The following SNTG2 variants were observed in gnomAD, a reference collection of about 807,000 sequenced individuals.
The protein encoded by SNTG2 is gamma-2-syntrophin.
A neutral mutation model predicts 70.9 loss-of-function variants in SNTG2; 74 were observed. The ratio of observed to expected loss-of-function variants is 1.04; its 90% CI spans 0.86 to 1.27. SNTG2 has a LOEUF of 1.27. Ranked by LOEUF, SNTG2 falls within the 50% of genes most tolerant of loss-of-function variation. SNTG2 has a pLI of 0.00. For missense variants in SNTG2, 717 were observed against 690.7 expected, an observed-to-expected ratio of 1.04 and a Z score of -0.43; for synonymous variants, 278 against 273.8, an observed-to-expected ratio of 1.02 and a Z score of -0.15.
intron 12 of SNTG2, among the ~76,000 whole-genome samples, chr2:1,248,627 G>A (rs186124879): frequency 8.8e-4 from 134 of 152,328 alleles, no homozygotes; most frequent in Admixed American, 2.3e-3. Context: ...AAGTCCCAGA[G>A]GTGAACGTCT....
Position 1,078,981 on chromosome 2 carries a change from T to C in SNTG2, c.73-4537T>C, listed in dbSNP as rs191940751. Among the ~76,000 whole-genome samples the C allele has an allele frequency of 1.5e-3, 231 of 152,362 alleles. 3 individuals carry two copies. In the South Asian group the frequency reaches 0.016, roughly 11 times the overall value. ...TTGCTTTTGTTTTTAAATATTTTTA[T>C]TTGTTTTGAATGGGAAAGACTCAAA... On this transcript the variant is annotated intron_variant, in intron 1 of 16. Coordinates refer to ENST00000308624, the MANE Select transcript of SNTG2 (RefSeq NM_018968.4).
intron 2 of SNTG2, among the ~76,000 whole-genome samples, chr2:1,085,159 T>G (rs1306432456): frequency 1.3e-5 from 2 of 152,218 alleles, no homozygotes; most frequent in Non-Finnish European, 2.9e-5. Flanking sequence ...CCTCCACTTG[T>G]TCTAAATACC....
rs113770585 is a variant in SNTG2, at chr2:1,097,403, G to A, written c.211-793G>A. ...TCCTCTTAGAACTCAAAGAATGTCTGTCACTTCTGTTTTTCCTGTAGTGTA... is the reference window on the plus strand; with the variant it reads ...TCCTCTTAGAACTCAAAGAATGTCTATCACTTCTGTTTTTCCTGTAGTGTA... On this transcript the variant is annotated intron_variant, in intron 2 of 16. Transcript: ENST00000308624. This position sits in a 1 kb window ranked among gnomAD's most constrained non-coding sequence, Gnocchi z 4.1. Among the ~76,000 whole-genome samples, 358 of 152,298 alleles carry A rather than the reference G, an allele frequency of 2.4e-3. No homozygotes were observed. Among genetic ancestry groups the A allele is most frequent in the African/African-American group, 8.3e-3 (344 of 41,564 alleles).
chr2:1,159,926 A>G (rs1670160786), intron 6 of SNTG2, among the ~76,000 whole-genome samples: 1 of 152,242 alleles, frequency 6.6e-6, no homozygotes, highest in African/African-American at 2.4e-5. Context: ...CAGGAATTTG[A>G]GGATTGAGGA....
intron 1 of SNTG2, among the ~76,000 whole-genome samples, chr2:958,786 G>A (rs923689911): frequency 1.3e-5 from 2 of 152,058 alleles, no homozygotes; most frequent in Admixed American, 1.3e-4. Flanking sequence ...TCTAGATGTA[G>A]TACAGTAAAA....
In SNTG2 at chr2:1,213,780, T is replaced by C. The variant is rs139137975; in HGVS notation, c.719+4550T>C. Among the ~76,000 whole-genome samples, 312 of 152,358 alleles carry C rather than the reference T, an allele frequency of 2.0e-3. 4 individuals are homozygous for C. Among genetic ancestry groups the C allele is most frequent in the East Asian group, 0.017 (87 of 5,184 alleles). On this transcript the variant is annotated intron_variant, in intron 9 of 16. Transcript: ENST00000308624. ...CAAACATGCAAACCTCACAAAGATA[T>C]TGTTTCTTCTGTCACCTGTGCTTTT...
At chr2:1,216,105 T>A (rs957729638) in intron 9 of SNTG2, among the ~76,000 whole-genome samples, 1 of 152,204 alleles carries the variant, frequency 6.6e-6, no homozygotes, top group African/African-American at 2.4e-5. Flanking sequence ...CTATTTCTAG[T>A]TCTAGATCCT....
chr2:1,099,051 C>T (rs1439570346), intron 4 of SNTG2, among the ~76,000 whole-genome samples: 3 of 152,160 alleles, frequency 2.0e-5, no homozygotes, highest in Non-Finnish European at 2.9e-5. Flanking sequence ...TCATACAATT[C>T]GATTTTGGAC....
chr2:1,129,869 A>G (rs1295739899), intron 4 of SNTG2, among the ~76,000 whole-genome samples: 1 of 152,188 alleles, frequency 6.6e-6, no homozygotes, highest in Non-Finnish European at 1.5e-5. Flanking sequence ...TACCTCTTTA[A>G]TATTTTATAA....
Position 1,044,428 on chromosome 2 carries a change from G to A in SNTG2, c.73-39090G>A, listed in dbSNP as rs556055882. On this transcript the variant is annotated intron_variant, in intron 1 of 16. Transcript: ENST00000308624. ...CTTTGGCTAGGACTTCTAGTACTAT[G>A]TTGAAAGGAGTGGTGAGAGGGGCAT... 7.2e-5 allele frequency among the ~76,000 whole-genome samples: 11 copies of A among 152,268 alleles called. No individual in the cohort carries two copies. In the South Asian group the frequency reaches 2.1e-3, roughly 29 times the overall value.
intron 6 of SNTG2, among the ~76,000 whole-genome samples, chr2:1,154,774 G>C (rs1669741867): frequency 6.6e-6 from 1 of 151,964 alleles, no homozygotes; most frequent in Non-Finnish European, 1.5e-5. Context: ...GAAACTCAGA[G>C]CCCACCTTCC....
At chr2:951,120 T>G in intron 1 of SNTG2, 52 bp downstream of exon 1, 1 of 831,488 alleles carries the variant, frequency 1.2e-6, no homozygotes, top group Non-Finnish European at 1.6e-6. Context: ...TTCCCTCTCC[T>G]TCGCGCCCTT....
chr2:1,016,916 T>C (rs1222040240), intron 1 of SNTG2, among the ~76,000 whole-genome samples: 1 of 152,186 alleles, frequency 6.6e-6, no homozygotes, highest in Admixed American at 6.5e-5. Flanking sequence ...TGGTCTCTTA[T>C]CAGGAGAAAA....
At chr2:1,255,881 T>TAA (rs1200264022) in intron 12 of SNTG2, among the ~76,000 whole-genome samples, 3 of 86,144 alleles carry the variant, frequency 3.5e-5, no homozygotes, top group East Asian at 3.3e-4. Flanking sequence ...TAAATATATA[T>TAA]ATAAATATAT....
chr2:1,024,545 T>A (rs899496889), intron 1 of SNTG2, among the ~76,000 whole-genome samples: 5 of 152,110 alleles, frequency 3.3e-5, no homozygotes, highest in African/African-American at 1.2e-4. Context: ...AATTATTTTT[T>A]AAAATTGTTT....
chr2:1,176,923 G>T (rs1671516327), intron 8 of SNTG2, among the ~76,000 whole-genome samples: 1 of 152,180 alleles, frequency 6.6e-6, no homozygotes, highest in African/African-American at 2.4e-5. Context: ...ACGGTGTGGT[G>T]ATTCCTCAAA....
chr2:1,201,578 AT>A (rs562654193), intron 8 of SNTG2, among the ~76,000 whole-genome samples: 1 of 152,004 alleles, frequency 6.6e-6, no homozygotes, highest in Non-Finnish European at 1.5e-5. Flanking sequence ...AGGAATATGC[AT>A]TTGAAATGCA....
intron 1 of SNTG2, among the ~76,000 whole-genome samples, chr2:1,039,112 A>G (rs1661289573): frequency 1.3e-5 from 2 of 152,206 alleles, no homozygotes; most frequent in Non-Finnish European, 2.9e-5. Flanking sequence ...TTAATTCTGC[A>G]TTTTGAAATC....
At chr2:989,396 T>G (rs957527088) in intron 1 of SNTG2, among the ~76,000 whole-genome samples, 4 of 151,402 alleles carry the variant, frequency 2.6e-5, no homozygotes, top group African/African-American at 9.7e-5. Flanking sequence ...ATTCCTAGTT[T>G]GCTGAGGGTT....
Sources: gnomAD v4.1 joint callset for allele counts (sites outside exome capture counted in the v4.1 genomes callset) on GRCh38, gnomAD v4.1.1 for gene constraint, Gnocchi (gnomAD v3.1) non-coding constraint, MANE v1.5 for transcripts, NCBI Gene and HGNC (gene_info 2026-07-23, HGNC 2026-07-21) for gene names.